The following ADAMTSL1 variants were observed in gnomAD, a reference collection of about 807,000 sequenced individuals.
ADAMTSL1 encodes ADAMTS-like protein 1.
A neutral mutation model predicts 201.8 loss-of-function variants in ADAMTSL1; 126 were observed. The ratio of observed to expected loss-of-function variants is 0.62; its 90% CI spans 0.54 to 0.72. The LOEUF is 0.72. Ranked by LOEUF, ADAMTSL1 falls within the 30% of genes least tolerant of loss-of-function variation. The pLI is 0.00. For synonymous variants in ADAMTSL1, 1,121 were observed against 903.4 expected, an observed-to-expected ratio of 1.24 and a Z score of -4.32; for missense variants, 2,679 against 2,277.8, an observed-to-expected ratio of 1.18 and a Z score of -3.59.
At chr9:17,972,384 A>G (rs10963364) in intron 1 of ADAMTSL1, among the ~76,000 whole-genome samples, 115,243 of 142,172 alleles carry the variant, frequency 0.81, 47,049 homozygotes, top group East Asian at 0.92. Context: ...TCATTGTTCA[A>G]TTTCCACCTA....
At chr9:18,495,072 G>A (rs747545047) in intron 1 of ADAMTSL1, among the ~76,000 whole-genome samples, 2 of 152,188 alleles carry the variant, frequency 1.3e-5, no homozygotes, top group Admixed American at 6.5e-5. Context: ...GACGGGGTGA[G>A]AATGGAAGAG....
chr9:17,991,276 G>A lies in ADAMTSL1; in HGVS notation c.87+84354G>A, dbSNP rs148990169. On this transcript the variant is annotated intron_variant, in intron 1 of 29. Coordinates refer to the ADAMTSL1 transcript ENST00000680146. ...TATGGCTGCTCTGGAAGCAGTGTACGTGTTATTCCAAACCTTTGTCCTATC... is the reference window on the plus strand; with the variant it reads ...TATGGCTGCTCTGGAAGCAGTGTACATGTTATTCCAAACCTTTGTCCTATC... 5.4e-3 allele frequency among the ~76,000 whole-genome samples: 827 copies of A among 152,252 alleles called. 6 individuals carry two copies. Among genetic ancestry groups the A allele is most frequent in the African/African-American group, 0.018 (766 of 41,550 alleles).
chr9:18,722,979 C>A, intron 15 of ADAMTSL1: 1 of 772,268 alleles, frequency 1.3e-6, no homozygotes, highest in Admixed American at 1.7e-5. Flanking sequence ...CAAAGGGCAC[C>A]AACTTTTCTA....
chr9:18,490,861 A>G (rs1186526145), intron 1 of ADAMTSL1, among the ~76,000 whole-genome samples: 1 of 152,162 alleles, frequency 6.6e-6, no homozygotes, highest in Non-Finnish European at 1.5e-5. Context: ...ATTACAAAGC[A>G]CTAGAGAATT....
intron 2 of ADAMTSL1, among the ~76,000 whole-genome samples, chr9:18,386,609 T>A (rs1837803397): frequency 1.3e-5 from 2 of 152,210 alleles, no homozygotes. Context: ...TGTAATTTTG[T>A]GTACCTTTAT....
chr9:17,987,410 C>T (rs2891117), intron 1 of ADAMTSL1, among the ~76,000 whole-genome samples: 75,095 of 151,826 alleles, frequency 0.49, 19,222 homozygotes, highest in African/African-American at 0.55. Flanking sequence ...AGCAATCTGA[C>T]GTTATTGTTT....
At chr9:18,076,534 A>T (rs1823233498) in intron 1 of ADAMTSL1, among the ~76,000 whole-genome samples, 1 of 152,234 alleles carries the variant, frequency 6.6e-6, no homozygotes, top group Admixed American at 6.5e-5. Flanking sequence ...GGCTTCTCTA[A>T]GGAGCTGGAC....
intron 7 of ADAMTSL1, among the ~76,000 whole-genome samples, chr9:18,655,416 C>CT (rs1828564278): frequency 6.6e-6 from 1 of 152,098 alleles, no homozygotes; most frequent in South Asian, 2.1e-4. Flanking sequence ...TTCAAATACT[C>CT]TTTTTTATTA....
chr9:18,536,305 T>TG (rs1484186044), intron 3 of ADAMTSL1, among the ~76,000 whole-genome samples: 1 of 152,134 alleles, frequency 6.6e-6, no homozygotes, highest in African/African-American at 2.4e-5. Flanking sequence ...ACAGCTTCCT[T>TG]GGGGCACTTC....
chr9:18,289,528 T>C (rs940427984), intron 2 of ADAMTSL1, among the ~76,000 whole-genome samples: 1 of 151,988 alleles, frequency 6.6e-6, no homozygotes, highest in East Asian at 1.9e-4. Context: ...GTGTATAGAG[T>C]TGCTGAGATT....
chr9:18,885,757 GA>G (rs1186672468), intron 23 of ADAMTSL1, among the ~76,000 whole-genome samples: 1 of 152,038 alleles, frequency 6.6e-6, no homozygotes, highest in African/African-American at 2.4e-5. Context: ...AAATGAAGGG[GA>G]AAAAAATAAG....
intron 2 of ADAMTSL1, among the ~76,000 whole-genome samples, chr9:18,518,221 G>A (rs1240503822): frequency 6.6e-6 from 1 of 152,172 alleles, no homozygotes; most frequent in East Asian, 1.9e-4. Context: ...TAATGGTGGG[G>A]TTTGGGCTTC....
intron 2 of ADAMTSL1, among the ~76,000 whole-genome samples, chr9:18,426,062 G>C (rs1819206208): frequency 6.6e-6 from 1 of 152,084 alleles, no homozygotes; most frequent in Admixed American, 6.6e-5. Flanking sequence ...TTCGTCAAAA[G>C]TGTGGCTGTA....
intron 15 of ADAMTSL1, among the ~76,000 whole-genome samples, chr9:18,745,507 G>A (rs1372044471): frequency 1.3e-5 from 2 of 151,890 alleles, no homozygotes; most frequent in Non-Finnish European, 2.9e-5. Flanking sequence ...CCCAATTCCT[G>A]CCCAGACGTC....
intron 1 of ADAMTSL1, among the ~76,000 whole-genome samples, chr9:18,503,966 T>C (rs1822985665): frequency 6.9e-6 from 1 of 143,998 alleles, no homozygotes. Flanking sequence ...TCTTCCTATA[T>C]AATATGTGCA....
At chr9:18,709,203 G>T (rs182522646) in intron 14 of ADAMTSL1, among the ~76,000 whole-genome samples, 1 of 152,168 alleles carries the variant, frequency 6.6e-6, no homozygotes, top group African/African-American at 2.4e-5. Flanking sequence ...ATATGCTTGG[G>T]TTATATGGTC....
At chr9:18,820,098 G>A (rs1824118792) in intron 21 of ADAMTSL1, among the ~76,000 whole-genome samples, 1 of 152,206 alleles carries the variant, frequency 6.6e-6, no homozygotes, top group South Asian at 2.1e-4. Context: ...TCTAGCTTGA[G>A]AATTTGCAAC....
Position 18,180,561 on chromosome 9 carries a change from A to C in ADAMTSL1, c.207+16580A>C, listed in dbSNP as rs1325557325. ...AAAAAAAAAAAAAAAAAAAATACCT[A>C]AGAATCCAACTTACCAGGGATGTGA... On this transcript the variant is annotated intron_variant, in intron 2 of 29. Transcript: ENST00000680146. 2.7e-5 allele frequency among the ~76,000 whole-genome samples: 4 copies of C among 150,260 alleles called. 1 individual carries two copies. The highest frequency in any genetic ancestry group is 5.9e-5 in the Non-Finnish European group (4 of 67,662).
intron 2 of ADAMTSL1, among the ~76,000 whole-genome samples, chr9:18,301,827 TC>T (rs1332822036): frequency 2.6e-5 from 4 of 152,214 alleles, no homozygotes; most frequent in African/African-American, 4.8e-5. Flanking sequence ...GAGTCTGTTG[TC>T]TTTATTTCTA....
Sources: gnomAD v4.1 joint callset for allele counts (sites outside exome capture counted in the v4.1 genomes callset) on GRCh38, gnomAD v4.1.1 for gene constraint, MANE v1.5 for transcripts, NCBI Gene and HGNC (gene_info 2026-07-23, HGNC 2026-07-21) for gene names.